The following TNNI3K variants were observed in gnomAD, a reference collection of about 807,000 sequenced individuals.
The protein encoded by TNNI3K is serine/threonine-protein kinase TNNI3K.
Under a neutral mutation model 114.5 loss-of-function variants are expected in TNNI3K, and 140 were observed. That is an observed-to-expected ratio of 1.22 (90% CI 1.07 to 1.41). The LOEUF is 1.41. Ranked by LOEUF, TNNI3K falls within the 40% of genes most tolerant of loss-of-function variation. The probability of loss-of-function intolerance (pLI) is 0.00; values close to 1 mark genes in which losing one functional copy is unlikely to be tolerated. For synonymous variants in TNNI3K, 347 were observed against 347.5 expected, an observed-to-expected ratio of 1.00 and a Z score of 0.02; for missense variants, 1,125 against 1,007.6, an observed-to-expected ratio of 1.12 and a Z score of -1.58.
At chr1:74,279,571 T>G (rs1277907571) in intron 5 of TNNI3K, among the ~76,000 whole-genome samples, 1 of 139,772 alleles carries the variant, frequency 7.2e-6, no homozygotes, top group African/African-American at 2.7e-5. Flanking sequence ...AAAAGAGATA[T>G]CTGAGGAAGA....
rs763279460 is a variant in TNNI3K at position 74,257,661 on chromosome 1, C to CCTTTTTTTTTTTTTTTTTTTTTTTT, written c.333+6892_333+6893insCTTTTTTTTTTTTTTTTTTTTTTTT. Among the ~76,000 whole-genome samples the CCTTTTTTTTTTTTTTTTTTTTTTTT allele has an allele frequency of 5.1e-5, 4 of 78,590 alleles. 2 individuals carry two copies. 51.6% of individuals were successfully genotyped at this position (78,590 alleles called of 152,430 possible). On this transcript the variant is annotated intron_variant, in intron 4 of 24. Coordinates refer to ENST00000326637, the MANE Select transcript of TNNI3K (RefSeq NM_015978.3). Reference sequence around the variant, plus strand: ...GTTTGAACTTAGCCTCTTGGCTTACCTCTTTTTTTTTTTTTTTTTTTTTTT... The same window carrying CCTTTTTTTTTTTTTTTTTTTTTTTT: ...GTTTGAACTTAGCCTCTTGGCTTACCCTTTTTTTTTTTTTTTTTTTTTTTTTCTTTTTTTTTTTTTTTTTTTTTTT...
intron 5 of TNNI3K, among the ~76,000 whole-genome samples, chr1:74,313,327 G>A (rs560997072): frequency 5.9e-5 from 9 of 152,160 alleles, no homozygotes; most frequent in African/African-American, 2.2e-4. Context: ...ACCTAAATCC[G>A]GGACCAGGCC....
chr1:74,415,224 T>A lies in TNNI3K; in HGVS notation c.1773-20856T>A, dbSNP rs139982455. Reference sequence around the variant, plus strand: ...TCTCATTTCCTTCCACACTCAAATATTATCCTATTAGTGAGTCCTTCCCTG... The same window carrying A: ...TCTCATTTCCTTCCACACTCAAATAATATCCTATTAGTGAGTCCTTCCCTG... On this transcript the variant is annotated intron_variant, in intron 17 of 24. Coordinates refer to ENST00000326637, the MANE Select transcript of TNNI3K (RefSeq NM_015978.3). Among the ~76,000 whole-genome samples the A allele has an allele frequency of 1.3e-3, 197 of 152,266 alleles. 1 individual carries two copies. The highest frequency in any genetic ancestry group is 4.5e-3 in the African/African-American group (188 of 41,566).
chr1:74,340,617 G>A (rs1660703697), intron 7 of TNNI3K, among the ~76,000 whole-genome samples: 2 of 152,152 alleles, frequency 1.3e-5, no homozygotes, highest in Non-Finnish European at 2.9e-5. Context: ...CTAATTTGAA[G>A]TTTACTAATT....
At chr1:74,512,666 C>G (rs1447887858) in intron 23 of TNNI3K, 2 of 152,268 alleles carry the variant, frequency 1.3e-5, no homozygotes, top group Non-Finnish European at 2.9e-5. Flanking sequence ...CCACACCACC[C>G]CCTCCTGGCT....
In TNNI3K at chr1:74,241,379, A is replaced by C. The variant is rs561698057; in HGVS notation, c.149+5169A>C. On this transcript the variant is annotated intron_variant, in intron 2 of 24. Transcript: ENST00000326637. ...CACTGACTTCCACAATGGTTGAACT[A>C]GTTTACAGTCCCACCAATGGTGTAA... 7.2e-5 allele frequency among the ~76,000 whole-genome samples: 11 copies of C among 152,348 alleles called. No homozygotes were observed. The South Asian group carries it at 2.1e-3, about 29-fold the overall frequency.
intron 22 of TNNI3K, among the ~76,000 whole-genome samples, chr1:74,491,351 C>T (rs899761959): frequency 1.3e-5 from 2 of 152,218 alleles, no homozygotes; most frequent in Admixed American, 1.3e-4. Context: ...TCCCCAGTAG[C>T]TGGGACTACA....
At chr1:74,475,406 C>T (rs1263363950) in intron 21 of TNNI3K, 5 of 717,010 alleles carry the variant, frequency 7.0e-6, no homozygotes, top group Non-Finnish European at 1.3e-5. Flanking sequence ...AAGCCTGCTT[C>T]ATTAAAAGCT....
intron 20 of TNNI3K, among the ~76,000 whole-genome samples, chr1:74,440,925 A>G (rs549614599): frequency 1.3e-5 from 2 of 151,840 alleles, no homozygotes; most frequent in African/African-American, 2.4e-5. Context: ...AAGAAATACA[A>G]CTCCTTTTGC....
chr1:74,368,709 T>G (rs924776073), intron 13 of TNNI3K, among the ~76,000 whole-genome samples: 11 of 151,680 alleles, frequency 7.3e-5, no homozygotes, highest in African/African-American at 2.7e-4. Flanking sequence ...AGATCAGGAA[T>G]AGACCCTTAG....
At chr1:74,349,889 T>C (rs908349396) in intron 9 of TNNI3K, among the ~76,000 whole-genome samples, 1 of 152,218 alleles carries the variant, frequency 6.6e-6, no homozygotes, top group African/African-American at 2.4e-5. Flanking sequence ...TTGCTAGCGG[T>C]CTATCAATTT....
At chr1:74,268,772 C>G (rs938339380) in intron 4 of TNNI3K, among the ~76,000 whole-genome samples, 1 of 151,734 alleles carries the variant, frequency 6.6e-6, no homozygotes, top group Non-Finnish European at 1.5e-5. Flanking sequence ...CTTAACCCTG[C>G]CTTATATGCA....
intron 23 of TNNI3K, among the ~76,000 whole-genome samples, chr1:74,503,228 T>C (rs72979408): frequency 6.6e-6 from 1 of 152,332 alleles, no homozygotes; most frequent in African/African-American, 2.4e-5. Flanking sequence ...AAAAGACCAC[T>C]CTTTCTCATG....
intron 17 of TNNI3K, among the ~76,000 whole-genome samples, chr1:74,381,979 G>A (rs538819546): frequency 6.6e-6 from 1 of 152,342 alleles, no homozygotes; most frequent in Non-Finnish European, 1.5e-5. Flanking sequence ...TGCAGAGGAT[G>A]TGTATAGCAC....
intron 23 of TNNI3K, among the ~76,000 whole-genome samples, chr1:74,500,717 T>G (rs1669580727): frequency 1.3e-5 from 2 of 150,936 alleles, no homozygotes; most frequent in Admixed American, 6.6e-5. Flanking sequence ...TCTTCCCTCT[T>G]TTTTAAGATA....
chr1:74,408,846 G>A (rs980368382), intron 17 of TNNI3K, among the ~76,000 whole-genome samples: 3 of 152,130 alleles, frequency 2.0e-5, no homozygotes, highest in African/African-American at 7.2e-5. Context: ...ACGTAGGTCT[G>A]TATAAGACAT....
intron 17 of TNNI3K, among the ~76,000 whole-genome samples, chr1:74,408,038 A>G (rs1664703198): frequency 6.6e-6 from 1 of 152,160 alleles, no homozygotes; most frequent in Non-Finnish European, 1.5e-5. Context: ...CCCATACAGT[A>G]ACAATCTTTC....
At chr1:74,480,318 T>G (rs1330682529) in intron 21 of TNNI3K, 4 of 717,654 alleles carry the variant, frequency 5.6e-6, no homozygotes, top group African/African-American at 3.5e-5. Flanking sequence ...GGCTGGCAAT[T>G]TAGGTCCTTG....
In TNNI3K at chr1:74,482,591, C is replaced by G. The variant is rs996753296; in HGVS notation, c.2122-6598C>G. Among the ~76,000 whole-genome samples the G allele has an allele frequency of 2.0e-5, 3 of 152,196 alleles. No individual in the cohort carries two copies. The South Asian group carries it at 6.2e-4, about 31-fold the overall frequency. ...TATTAGAAATGGAAGAAATTATCCTCTTCCACTCTGTCGTAACTCAAGCTT... is the reference window on the plus strand; with the variant it reads ...TATTAGAAATGGAAGAAATTATCCTGTTCCACTCTGTCGTAACTCAAGCTT... On this transcript the variant is annotated intron_variant, in intron 21 of 24. Transcript: ENST00000326637.
Sources: gnomAD v4.1 joint callset for allele counts (sites outside exome capture counted in the v4.1 genomes callset) on GRCh38, gnomAD v4.1.1 for gene constraint, MANE v1.5 for transcripts, NCBI Gene and HGNC (gene_info 2026-07-23, HGNC 2026-07-21) for gene names.